Variants in CNTN5 observed in about 807,000 individuals in gnomAD.
CNTN5 encodes contactin 5.
CNTN5 carries 77 observed loss-of-function variants against 129.1 expected under a neutral mutation model. The ratio of observed to expected loss-of-function variants is 0.60; its 90% CI spans 0.50 to 0.72. CNTN5 has a LOEUF of 0.72. Ranked by LOEUF, CNTN5 falls within the 30% of genes least tolerant of loss-of-function variation. The pLI, the probability that CNTN5 is intolerant of heterozygous loss-of-function variation, is 0.00. For missense variants in CNTN5, 1,478 were observed against 1,328.8 expected (o/e 1.11, Z -1.75); for synonymous variants, 509 against 465.6 (o/e 1.09, Z -1.20).
intron 3 of CNTN5, among the ~76,000 whole-genome samples, chr11:99,770,782 A>AT (rs2135333447): frequency 6.6e-6 from 1 of 152,036 alleles, no homozygotes; most frequent in Non-Finnish European, 1.5e-5. Context: ...ATTTCAATGG[A>AT]TTTTTTACAG....
chr11:99,371,922 A>G (rs1939850551), intron 2 of CNTN5, among the ~76,000 whole-genome samples: 1 of 152,204 alleles, frequency 6.6e-6, no homozygotes. Flanking sequence ...TGTGTCTTTG[A>G]GTATACAAAT....
intron 2 of CNTN5, among the ~76,000 whole-genome samples, chr11:99,481,525 G>A (rs1435306104): frequency 6.6e-6 from 1 of 152,118 alleles, no homozygotes. Context: ...CTGATTATGT[G>A]AGAAATCTTT....
At chr11:100,253,845 A>T (rs2138720000) in intron 16 of CNTN5, among the ~76,000 whole-genome samples, 1 of 152,288 alleles carries the variant, frequency 6.6e-6, no homozygotes, top group South Asian at 2.1e-4. Flanking sequence ...GATAAACAAA[A>T]ACCAACTTCT....
chr11:99,403,578 A>G (rs1941929782), intron 2 of CNTN5, among the ~76,000 whole-genome samples: 1 of 151,960 alleles, frequency 6.6e-6, no homozygotes, highest in African/African-American at 2.4e-5. Flanking sequence ...GTTTCAAAAA[A>G]TTTTTCAATT....
intron 8 of CNTN5, among the ~76,000 whole-genome samples, chr11:99,966,429 T>G (rs1178191723): frequency 6.6e-6 from 1 of 152,184 alleles, no homozygotes. Context: ...AGATGACCGC[T>G]TCTACAGGCA....
chr11:99,300,604 G>A (rs978051930), intron 1 of CNTN5, among the ~76,000 whole-genome samples: 5 of 151,846 alleles, frequency 3.3e-5, no homozygotes, highest in Admixed American at 6.6e-5. Context: ...AAAGACTATC[G>A]ATCAAAAATT....
chr11:99,597,890 A>G (rs928928813), intron 3 of CNTN5, among the ~76,000 whole-genome samples: 2 of 152,148 alleles, frequency 1.3e-5, no homozygotes, highest in Non-Finnish European at 2.9e-5. Context: ...TATGAATGCC[A>G]TAGCATCTCC....
intron 3 of CNTN5, among the ~76,000 whole-genome samples, chr11:99,625,610 G>C (rs1438589923): frequency 6.6e-6 from 1 of 152,046 alleles, no homozygotes; most frequent in Non-Finnish European, 1.5e-5. Context: ...CTAATCATTA[G>C]AAGTCATTTT....
chr11:99,541,329 C>T (rs189455911), intron 2 of CNTN5, among the ~76,000 whole-genome samples: 222 of 152,266 alleles, frequency 1.5e-3, no homozygotes, highest in Non-Finnish European at 2.5e-3. Flanking sequence ...CCTTGAAATA[C>T]AGTTCATCTC....
chr11:100,321,291 ATT>A (rs35937617), intron 21 of CNTN5, among the ~76,000 whole-genome samples: 7,156 of 134,558 alleles, frequency 0.053, 202 homozygotes, highest in East Asian at 0.078. Flanking sequence ...ATTCCTAAGT[ATT>A]TTTTTTTTTT....
intron 21 of CNTN5, among the ~76,000 whole-genome samples, chr11:100,314,631 T>C (rs1951541995): frequency 6.6e-6 from 1 of 152,102 alleles, no homozygotes; most frequent in Non-Finnish European, 1.5e-5. Context: ...GAAATCTTTG[T>C]ATTTTCTTCT....
intron 1 of CNTN5, among the ~76,000 whole-genome samples, chr11:99,045,436 A>C (rs766232383): frequency 1.3e-5 from 2 of 152,224 alleles, no homozygotes; most frequent in Non-Finnish European, 2.9e-5. Flanking sequence ...AGCATCTACG[A>C]AAGCATGTTT....
chr11:99,510,267 C>T (rs529436847), intron 2 of CNTN5, among the ~76,000 whole-genome samples: 1 of 152,076 alleles, frequency 6.6e-6, no homozygotes, highest in East Asian at 1.9e-4. Flanking sequence ...CCTTTGTTAA[C>T]ATATCGGATT....
chr11:99,841,772 G>A (rs1263769814), intron 4 of CNTN5, among the ~76,000 whole-genome samples: 1 of 86,456 alleles, frequency 1.2e-5, no homozygotes, highest in African/African-American at 4.5e-5. Flanking sequence ...TATATTCCAG[G>A]TTTGACATTT....
intron 6 of CNTN5, among the ~76,000 whole-genome samples, chr11:99,915,315 T>A (rs999937534): frequency 2.6e-5 from 4 of 152,088 alleles, no homozygotes; most frequent in Non-Finnish European, 4.4e-5. Flanking sequence ...TCATTCCCTT[T>A]TGGACCATTT....
At chr11:99,614,101 A>T (rs1950682208) in intron 3 of CNTN5, among the ~76,000 whole-genome samples, 1 of 152,378 alleles carries the variant, frequency 6.6e-6, no homozygotes, top group African/African-American at 2.4e-5. Flanking sequence ...AATAAACTTG[A>T]AAGTGGAAGA....
chr11:99,102,773 C>A (rs1249436822), intron 1 of CNTN5, among the ~76,000 whole-genome samples: 2 of 152,050 alleles, frequency 1.3e-5, no homozygotes, highest in Admixed American at 6.6e-5. Context: ...GTCTTCTGTG[C>A]CCTCCAAACT....
intron 3 of CNTN5, among the ~76,000 whole-genome samples, chr11:99,681,900 A>T (rs1953571431): frequency 6.6e-6 from 1 of 152,062 alleles, no homozygotes; most frequent in South Asian, 2.1e-4. Context: ...AGGAAAAGAG[A>T]TTAAATTATA....
chr11:99,491,464 C>T (rs1013104090), intron 2 of CNTN5, among the ~76,000 whole-genome samples: 3 of 152,156 alleles, frequency 2.0e-5, no homozygotes, highest in Admixed American at 6.5e-5. Context: ...AAGCAGACCT[C>T]TAGCATAGAA....
Sources: gnomAD v4.1 joint callset for allele counts (sites outside exome capture counted in the v4.1 genomes callset) on GRCh38, gnomAD v4.1.1 for gene constraint, MANE v1.5 for transcripts, NCBI Gene and HGNC (gene_info 2026-07-23, HGNC 2026-07-21) for gene names.